The following GRM7 variants were observed in gnomAD, a reference collection of about 807,000 sequenced individuals.
GRM7 encodes glutamate metabotropic receptor 7, also known as metabotropic glutamate receptor 7.
In GRM7, 35 loss-of-function variants were observed where a neutral mutation model predicts 84.5. The ratio of observed to expected loss-of-function variants is 0.41; its 90% CI spans 0.32 to 0.55. The LOEUF is 0.55. Among genes scored for constraint, GRM7 ranks in the 20% least tolerant of loss-of-function variants. The pLI is 0.19. For missense variants in GRM7, 1,003 were observed against 1,194.6 expected, an observed-to-expected ratio of 0.84 and a Z score of 2.36; for synonymous variants, 487 against 455.1, an observed-to-expected ratio of 1.07 and a Z score of -0.89.
intron 1 of GRM7, among the ~76,000 whole-genome samples, chr3:6,919,409 T>G (rs1249396379): frequency 6.8e-6 from 1 of 147,768 alleles, no homozygotes; most frequent in Non-Finnish European, 1.5e-5. Context: ...GTTTCCACCA[T>G]GTTGGCCAGG....
intron 2 of GRM7, among the ~76,000 whole-genome samples, chr3:7,256,717 G>T (rs2124949542): frequency 6.6e-6 from 1 of 152,130 alleles, no homozygotes; most frequent in East Asian, 1.9e-4. Flanking sequence ...TTGAGCATCT[G>T]CTATATTCTA....
At chr3:7,023,523 T>G (rs773694024) in intron 1 of GRM7, among the ~76,000 whole-genome samples, 2 of 152,158 alleles carry the variant, frequency 1.3e-5, no homozygotes, top group Non-Finnish European at 2.9e-5. Flanking sequence ...CTTCTAGGAC[T>G]GCAGTAACAA....
chr3:7,678,143 T>C (rs1036337736), intron 8 of GRM7, among the ~76,000 whole-genome samples: 3 of 152,104 alleles, frequency 2.0e-5, no homozygotes, highest in Non-Finnish European at 2.9e-5. Context: ...AGTGTGGAAT[T>C]ATTCATACCC....
intron 2 of GRM7, among the ~76,000 whole-genome samples, chr3:7,248,736 A>G (rs758833894): frequency 3.3e-5 from 5 of 152,074 alleles, no homozygotes; most frequent in Non-Finnish European, 7.4e-5. Flanking sequence ...GTTACTTTCT[A>G]TGGGGATACA....
chr3:7,099,216 T>TATG (rs1698965690), intron 1 of GRM7, among the ~76,000 whole-genome samples: 1 of 148,904 alleles, frequency 6.7e-6, no homozygotes, highest in Non-Finnish European at 1.5e-5. Flanking sequence ...ATATTGCATA[T>TATG]AATAATACAT....
chr3:7,482,545 G>A (rs1031289418), intron 7 of GRM7, among the ~76,000 whole-genome samples: 1 of 152,184 alleles, frequency 6.6e-6, no homozygotes, highest in Non-Finnish European at 1.5e-5. Flanking sequence ...CTTAGAGAGC[G>A]AGTTATAAAG....
chr3:7,582,509 G>C (rs1034435468), intron 8 of GRM7, among the ~76,000 whole-genome samples: 1 of 152,100 alleles, frequency 6.6e-6, no homozygotes, highest in Non-Finnish European at 1.5e-5. Context: ...TGTTTCTTTA[G>C]ATAGGAGGAC....
At chr3:7,377,644 T>C (rs984240943) in intron 4 of GRM7, among the ~76,000 whole-genome samples, 7 of 152,188 alleles carry the variant, frequency 4.6e-5, no homozygotes, top group Non-Finnish European at 1.0e-4. Context: ...CAGATGTTGA[T>C]ATCTTTGTGC....
chr3:7,657,481 G>C (rs554041953), intron 8 of GRM7, among the ~76,000 whole-genome samples: 3 of 152,316 alleles, frequency 2.0e-5, no homozygotes, highest in African/African-American at 7.2e-5. Context: ...CATGTTATTG[G>C]AAGAGGAGAA....
At chr3:7,363,071 A>G (rs771549163) in intron 4 of GRM7, among the ~76,000 whole-genome samples, 32 of 152,084 alleles carry the variant, frequency 2.1e-4, no homozygotes, top group Non-Finnish European at 4.3e-4. Flanking sequence ...GCAGTGAGCT[A>G]TATGATCACA....
intron 2 of GRM7, among the ~76,000 whole-genome samples, chr3:7,165,277 G>T (rs1466049886): frequency 6.6e-6 from 1 of 152,176 alleles, no homozygotes; most frequent in African/African-American, 2.4e-5. Context: ...AAAGTATACA[G>T]TACAGGACAA....
Position 7,740,403 on chromosome 3 carries a change from C to T in GRM7, c.2745C>T (p.Ile915=), listed in dbSNP as rs995881652. ...ATGTCAGTTATAATAACCTGGTTAT[C>T]TAACCTGTTCCATTCCATGGAACCA... The part of the protein sequence containing the change: ...KKYVSYNNLV[I] The change falls in exon 10 of 10, where the codon ATC becomes ATT. Residue 915 remains isoleucine (I), a synonymous_variant. Coordinates refer to ENST00000357716, the MANE Select transcript of GRM7 (RefSeq NM_000844.4). The T allele has an allele frequency of 2.6e-6, 4 of 1,552,894 alleles. No individual in the cohort carries two copies. The African/African-American group carries it at 5.5e-5, about 21-fold the overall frequency.
At chr3:7,649,088 G>A (rs1041368547) in intron 8 of GRM7, among the ~76,000 whole-genome samples, 1 of 142,944 alleles carries the variant, frequency 7.0e-6, no homozygotes, top group Non-Finnish European at 1.5e-5. Flanking sequence ...TTTTTTTTTT[G>A]AGATGGAGTC....
intron 1 of GRM7, among the ~76,000 whole-genome samples, chr3:7,126,143 G>C (rs1693391675): frequency 6.6e-6 from 1 of 152,206 alleles, no homozygotes; most frequent in African/African-American, 2.4e-5. Context: ...GGGTTGTAAA[G>C]ATGGGCTATT....
At chr3:6,886,930 A>G (rs1048997715) in intron 1 of GRM7, among the ~76,000 whole-genome samples, 1 of 152,066 alleles carries the variant, frequency 6.6e-6, no homozygotes, top group African/African-American at 2.4e-5. Context: ...GATCAGCAAG[A>G]TTGAGTACTT....
intron 1 of GRM7, among the ~76,000 whole-genome samples, chr3:7,119,096 T>C (rs1693134800): frequency 6.6e-6 from 1 of 152,174 alleles, no homozygotes; most frequent in South Asian, 2.1e-4. Flanking sequence ...TTTTCTGTCC[T>C]TTATACATTT....
chr3:7,320,277 C>T (rs1341463761), intron 4 of GRM7, among the ~76,000 whole-genome samples: 3 of 151,778 alleles, frequency 2.0e-5, no homozygotes, highest in Non-Finnish European at 4.4e-5. Flanking sequence ...GAAAAGCATA[C>T]AAATCTATTT....
intron 9 of GRM7, among the ~76,000 whole-genome samples, chr3:7,684,285 C>T (rs1700494228): frequency 6.6e-6 from 1 of 152,136 alleles, no homozygotes; most frequent in African/African-American, 2.4e-5. Context: ...AAAAACGTAG[C>T]TCATGCACTT....
chr3:7,587,253 A>G (rs938612033), intron 8 of GRM7, among the ~76,000 whole-genome samples: 24 of 152,248 alleles, frequency 1.6e-4, no homozygotes, highest in African/African-American at 5.8e-4. Flanking sequence ...CAACTGGCCT[A>G]TTTGCACAGT....
Sources: gnomAD v4.1 joint callset for allele counts (sites outside exome capture counted in the v4.1 genomes callset) on GRCh38, gnomAD v4.1.1 for gene constraint, MANE v1.5 for transcripts, NCBI Gene and HGNC (gene_info 2026-07-23, HGNC 2026-07-21) for gene names.